The following RICTOR variants were observed in gnomAD, a reference collection of about 807,000 sequenced individuals.
RICTOR encodes rapamycin-insensitive companion of mTOR.
Under a neutral mutation model 214.9 loss-of-function variants are expected in RICTOR, and 49 were observed. The ratio of observed to expected loss-of-function variants is 0.23; its 90% confidence interval spans 0.18 to 0.29. The LOEUF is 0.29. RICTOR is among the 10% of genes least tolerant of loss of function. RICTOR has a pLI of 1.00. For synonymous variants in RICTOR, 717 were observed against 711.3 expected (o/e 1.01, Z -0.13); for missense variants, 1,625 against 2,047.0 (o/e 0.79, Z 3.98).
At position 38,958,797 on chromosome 5, in the gene RICTOR, A is replaced by G; in HGVS notation, c.2213T>C (p.Val738Ala). Reference sequence around the variant, plus strand: ...GAATTCAACATTAGCTCTCAATAATACCCTTAAATGTTTTGTTGCATAGAG... The same window carrying G: ...GAATTCAACATTAGCTCTCAATAATGCCCTTAAATGTTTTGTTGCATAGAG... The part of the protein sequence containing the change: ...CRLYATKHLR[V>A]LLRANVEFFN... The change falls in exon 23 of 38, where the codon GTA (valine) becomes GCA (alanine). Residue 738 changes from valine to alanine, a missense_variant. Val to Ala is a moderately conservative substitution (Grantham distance 64). Coordinates refer to ENST00000357387, the MANE Select transcript of RICTOR (RefSeq NM_152756.5). 6.2e-7 allele frequency: 1 copy of G among 1,607,248 alleles called. No individual in the cohort carries two copies. Among genetic ancestry groups the G allele is most frequent in the South Asian group, 1.1e-5 (1 of 89,878 alleles).
intron 2 of RICTOR, among the ~76,000 whole-genome samples, chr5:39,036,521 C>A (rs1436416035): frequency 4.6e-5 from 7 of 152,124 alleles, no homozygotes; most frequent in Admixed American, 3.3e-4. Flanking sequence ...CACAGACTGG[C>A]AAATTGGATA....
At chr5:39,065,723 G>A (rs997627219) in intron 2 of RICTOR, among the ~76,000 whole-genome samples, 8 of 152,244 alleles carry the variant, frequency 5.3e-5, no homozygotes, top group African/African-American at 9.6e-5. Context: ...CAGGCCCCAT[G>A]CAAGTTCAAA....
intron 3 of RICTOR, among the ~76,000 whole-genome samples, chr5:39,019,820 C>A (rs1444846395): frequency 6.6e-6 from 1 of 152,114 alleles, no homozygotes. Flanking sequence ...CCACCATAGA[C>A]AGTGATTCCT....
chr5:39,056,420 A>G (rs886183504), intron 2 of RICTOR, among the ~76,000 whole-genome samples: 6 of 152,106 alleles, frequency 3.9e-5, no homozygotes, highest in African/African-American at 1.2e-4. Flanking sequence ...GGATCGCTTG[A>G]GCCCACGATT....
intron 10 of RICTOR, among the ~76,000 whole-genome samples, chr5:38,974,321 A>G (rs1292422469): frequency 6.6e-6 from 1 of 152,088 alleles, no homozygotes; most frequent in Non-Finnish European, 1.5e-5. Context: ...GACTGCACCC[A>G]GCCCCACCCC....
At chr5:39,070,292 C>T (rs1360063925) in intron 2 of RICTOR, among the ~76,000 whole-genome samples, 2 of 151,822 alleles carry the variant, frequency 1.3e-5, no homozygotes, top group East Asian at 1.9e-4. Flanking sequence ...GGTGAAACCC[C>T]GTCTCTACTA....
chr5:39,056,436 C>T (rs974659611), intron 2 of RICTOR, among the ~76,000 whole-genome samples: 2 of 152,122 alleles, frequency 1.3e-5, no homozygotes, highest in Non-Finnish European at 2.9e-5. Context: ...CGATTCAAGA[C>T]AAGCCTGGGC....
intron 2 of RICTOR, among the ~76,000 whole-genome samples, chr5:39,072,626 T>G (rs1166482790): frequency 6.6e-6 from 1 of 152,246 alleles, no homozygotes; most frequent in East Asian, 1.9e-4. Flanking sequence ...TAGGAAGTTT[T>G]CTAGTGAATC....
At chr5:39,053,948 G>A (rs1430589200) in intron 2 of RICTOR, among the ~76,000 whole-genome samples, 1 of 151,298 alleles carries the variant, frequency 6.6e-6, no homozygotes, top group Non-Finnish European at 1.5e-5. Flanking sequence ...CGGGCTTGGT[G>A]GTGGGCGCCT....
intron 7 of RICTOR, among the ~76,000 whole-genome samples, chr5:38,983,313 A>G (rs1751880558): frequency 6.6e-6 from 1 of 152,212 alleles, no homozygotes; most frequent in Admixed American, 6.5e-5. Context: ...TATTGTTGAA[A>G]CACAAAAATC....
intron 10 of RICTOR, among the ~76,000 whole-genome samples, chr5:38,975,311 T>C (rs1751118638): frequency 6.6e-6 from 1 of 152,188 alleles, no homozygotes; most frequent in Non-Finnish European, 1.5e-5. Context: ...TGGCAAATAA[T>C]AAATATGTGT....
chr5:38,961,040 A>T (rs1749752530), intron 19 of RICTOR, among the ~76,000 whole-genome samples: 1 of 152,082 alleles, frequency 6.6e-6, no homozygotes, highest in African/African-American at 2.4e-5. Flanking sequence ...GCAGTTATAA[A>T]TAACTGCCAG....
At chr5:39,048,384 C>CTTTAGGTT (rs1368712794) in intron 2 of RICTOR, among the ~76,000 whole-genome samples, 2 of 152,314 alleles carry the variant, frequency 1.3e-5, no homozygotes, top group East Asian at 3.9e-4. Flanking sequence ...CTCACTGGAC[C>CTTTAGGTT]TAAACTGTTT....
intron 3 of RICTOR, among the ~76,000 whole-genome samples, chr5:39,014,234 C>T (rs764617427): frequency 1.2e-4 from 18 of 152,140 alleles, no homozygotes; most frequent in Admixed American, 9.8e-4. Flanking sequence ...AAATAAATTA[C>T]GTATAACTGT....
intron 6 of RICTOR, among the ~76,000 whole-genome samples, chr5:38,994,994 A>G (rs1246807903): frequency 6.6e-6 from 1 of 152,114 alleles, no homozygotes; most frequent in African/African-American, 2.4e-5. Context: ...TGTGTACTAA[A>G]GTTTTCCGGG....
chr5:38,963,075 C>G (rs371138972), intron 16 of RICTOR, 34 bp from the exon 17 acceptor site: 2 of 1,497,988 alleles, frequency 1.3e-6, no homozygotes, highest in African/African-American at 2.8e-5. Context: ...AATACAGTAG[C>G]AAGACCAATA....
Position 39,032,451 on chromosome 5 carries a change from T to C in RICTOR, c.98-11315A>G, listed in dbSNP as rs192549681. 1.5e-3 allele frequency among the ~76,000 whole-genome samples: 235 copies of C among 152,348 alleles called. 1 individual carries two copies. Among genetic ancestry groups the C allele is most frequent in the Middle Eastern group, 3.4e-3 (1 of 294 alleles). ...TATAATGTTCCTAAAATGTTAAGTT[T>C]ATCATACTAAAAACTGAACATGGAC... On this transcript the variant is annotated intron_variant, in intron 2 of 37. Transcript: ENST00000357387.
Position 38,971,911 on chromosome 5 carries a change from AT to A in RICTOR, c.937del (p.Ile313Ter). 1 of 1,471,008 alleles carries A rather than the reference AT, an allele frequency of 6.8e-7. No homozygotes were observed. The highest frequency in any genetic ancestry group is 9.5e-7 in the Non-Finnish European group (1 of 1,052,902). 91.1% of individuals were successfully genotyped at this position (1,471,008 alleles called of 1,614,324 possible). Reference sequence around the variant, plus strand: ...CATATTTGGTATGCAAAGTACTCCTATTAGAGACTGGATCCCAGAATTTCCA... The same window carrying A: ...CATATTTGGTATGCAAAGTACTCCTATAGAGACTGGATCCCAGAATTTCCA... ...KPGNSGIQSL[I>X]GVLCIPNMEI... On this transcript the variant is annotated frameshift_variant, in exon 11 of 38. Coordinates refer to ENST00000357387, the MANE Select transcript of RICTOR (RefSeq NM_152756.5). LOFTEE classifies it high-confidence loss of function.
intron 3 of RICTOR, among the ~76,000 whole-genome samples, chr5:39,010,121 G>A (rs1443903075): frequency 6.6e-6 from 1 of 152,114 alleles, no homozygotes; most frequent in Non-Finnish European, 1.5e-5. Context: ...ATGTGAAAGT[G>A]AGTTCCATCT....
Sources: allele counts gnomAD v4.1 joint callset (sites outside exome capture counted in the v4.1 genomes callset), GRCh38; gene constraint gnomAD v4.1.1; transcripts MANE v1.5; gene names NCBI Gene and HGNC (gene_info 2026-07-23, HGNC 2026-07-21).